DNAH6: variants seen among roughly 807,000 people sequenced by gnomAD.
The protein encoded by DNAH6 is dynein axonemal heavy chain 6.
Under a neutral mutation model 491.4 loss-of-function variants are expected in DNAH6, and 340 were observed. The observed-to-expected ratio is 0.69, with a 90% CI of 0.63 to 0.76. DNAH6 has a LOEUF of 0.76. Ranked by LOEUF, DNAH6 falls within the 30% of genes least tolerant of loss-of-function variation. The pLI, the probability that DNAH6 is intolerant of heterozygous loss-of-function variation, is 0.00. For synonymous variants in DNAH6, 1,603 were observed against 1,686.1 expected (o/e 0.95, Z 1.21); for missense variants, 4,443 against 4,972.2 (o/e 0.89, Z 3.20).
intron 10 of DNAH6, among the ~76,000 whole-genome samples, chr2:84,556,076 T>A (rs1333514624): frequency 6.6e-6 from 1 of 152,230 alleles, no homozygotes; most frequent in African/African-American, 2.4e-5. Flanking sequence ...TGTAGTAGCA[T>A]CTTTCACAAG....
At chr2:84,791,567 G>C (rs1484247169) in intron 68 of DNAH6, among the ~76,000 whole-genome samples, 2 of 151,554 alleles carry the variant, frequency 1.3e-5, no homozygotes, top group African/African-American at 2.4e-5. Flanking sequence ...GATTTCTTTT[G>C]GGGGGAAATG....
chr2:84,573,215 A>C (rs1055532781), intron 11 of DNAH6, among the ~76,000 whole-genome samples: 3 of 152,264 alleles, frequency 2.0e-5, no homozygotes, highest in Non-Finnish European at 4.4e-5. Flanking sequence ...GTTTCCTTTC[A>C]GTCACAGGAA....
the DNAH6 span, among the ~76,000 whole-genome samples, chr2:84,490,231 C>T: frequency 6.6e-6 from 1 of 152,050 alleles, no homozygotes; most frequent in African/African-American, 2.4e-5. Flanking sequence ...AAAGTCTTAA[C>T]GCTTGGTTTT....
At chr2:84,598,036 T>G (rs1483329258) in intron 18 of DNAH6, among the ~76,000 whole-genome samples, 2 of 152,144 alleles carry the variant, frequency 1.3e-5, no homozygotes, top group East Asian at 3.8e-4. Flanking sequence ...ATAGCATATG[T>G]CATTTATATG....
At chr2:84,743,141 G>A (rs188320619) in intron 62 of DNAH6, among the ~76,000 whole-genome samples, 92 of 151,384 alleles carry the variant, frequency 6.1e-4, no homozygotes, top group Non-Finnish European at 3.1e-4. Context: ...AGCAGAAAGG[G>A]CTAGATGGAG....
chr2:84,642,926 A>G (rs1689563655), intron 33 of DNAH6, among the ~76,000 whole-genome samples: 1 of 152,164 alleles, frequency 6.6e-6, no homozygotes, highest in Non-Finnish European at 1.5e-5. Context: ...GAATAAGAAA[A>G]ATAAAAATTT....
chr2:84,793,515 T>C (rs571276017), intron 68 of DNAH6, among the ~76,000 whole-genome samples: 1 of 152,310 alleles, frequency 6.6e-6, no homozygotes, highest in South Asian at 2.1e-4. Flanking sequence ...GACATCATCA[T>C]GCAATTGGAG....
At chr2:84,675,732 C>T (rs1300739984) in intron 40 of DNAH6, among the ~76,000 whole-genome samples, 1 of 152,176 alleles carries the variant, frequency 6.6e-6, no homozygotes, top group Non-Finnish European at 1.5e-5. Flanking sequence ...AATAGAGGCT[C>T]ACTACAGCCT....
At chr2:84,637,097 A>G in intron 30 of DNAH6, 113 bp from the exon 31 acceptor site, 1 of 821,206 alleles carries the variant, frequency 1.2e-6, no homozygotes, top group Non-Finnish European at 1.9e-6. Context: ...AATGGTATTC[A>G]GTAGTCTTTG....
At chr2:84,491,606 C>T in the DNAH6 span, among the ~76,000 whole-genome samples, 1 of 152,178 alleles carries the variant, frequency 6.6e-6, no homozygotes. Context: ...TTATTCCCTT[C>T]ATTCTATCTT....
chr2:84,575,270 C>T (rs574684215), intron 12 of DNAH6, among the ~76,000 whole-genome samples: 2 of 152,262 alleles, frequency 1.3e-5, no homozygotes, highest in South Asian at 2.1e-4. Flanking sequence ...AGCCAGACTG[C>T]TCCCTGTCCT....
chr2:84,616,947 G>A lies in DNAH6; in HGVS notation c.3537G>A (p.Glu1179=), dbSNP rs770415568. The A allele has an allele frequency of 1.3e-5, 20 of 1,499,300 alleles. No individual in the cohort carries two copies. The South Asian group carries it at 2.7e-4, about 20-fold the overall frequency. 92.9% of individuals were successfully genotyped at this position (1,499,300 alleles called of 1,614,324 possible). Residue 1179 remains glutamate (E), a synonymous_variant, in exon 23 of 77, where the codon GAG becomes GAA. Coordinates refer to ENST00000389394, the MANE Select transcript of DNAH6 (RefSeq NM_001370.2). ...TTGACCAAATTCAGAAGTGCCTAGA[G>A]GCATACTTAGAATCAAAAAGAGTTA... ...ALLDQIQKCL[E]AYLESKRVIF... is the part of the protein sequence containing the mutation.
intron 62 of DNAH6, among the ~76,000 whole-genome samples, chr2:84,740,015 T>C (rs902634900): frequency 2.8e-5 from 4 of 143,068 alleles, no homozygotes; most frequent in Non-Finnish European, 6.2e-5. Context: ...GATACTTCTC[T>C]TTTTTTTTTT....
chr2:84,799,482 G>A (rs778779404), intron 70 of DNAH6, among the ~76,000 whole-genome samples: 3 of 152,246 alleles, frequency 2.0e-5, no homozygotes, highest in Non-Finnish European at 2.9e-5. Flanking sequence ...AGCTGGGCAG[G>A]CCCCACAACC....
At chr2:84,800,309 TAAG>T (rs368078544) in intron 70 of DNAH6, among the ~76,000 whole-genome samples, 22 of 152,276 alleles carry the variant, frequency 1.4e-4, no homozygotes, top group African/African-American at 5.3e-4. Flanking sequence ...TTCCTTCAGA[TAAG>T]AAGAAATCAG....
At chr2:84,593,873 C>A in intron 16 of DNAH6, 99 bp from the exon 17 acceptor site, 5 of 498,982 alleles carry the variant, frequency 1.0e-5, no homozygotes, top group East Asian at 4.0e-5. Flanking sequence ...GCACATTCTT[C>A]CAAGCAATCA....
intron 4 of DNAH6, among the ~76,000 whole-genome samples, chr2:84,529,933 T>C (rs1319947902): frequency 6.6e-6 from 1 of 152,038 alleles, no homozygotes; most frequent in Non-Finnish European, 1.5e-5. Flanking sequence ...CTGCAGAAAA[T>C]GGGTAGAGAA....
rs555859448 is a variant in DNAH6 at position 84,784,776 on chromosome 2, C to A, written c.10919C>A (p.Thr3640Lys). The A allele has an allele frequency of 4.5e-6, 7 of 1,550,178 alleles. No homozygotes were observed. The highest frequency in any genetic ancestry group is 6.1e-6 in the Non-Finnish European group (7 of 1,145,872). The change falls in exon 66 of 77, where the codon ACA becomes AAA. Residue 3640 changes from threonine (T) to lysine (K), a missense_variant. Physicochemically the swap from Thr to Lys is moderately conservative, Grantham distance 78. Coordinates refer to ENST00000389394, the MANE Select transcript of DNAH6 (RefSeq NM_001370.2). Reference sequence around the variant, plus strand: ...TTTTTAAGCTCCATGCCTAGTAATACATTTCCTGTTACAGTTCTTCAAAAT... The same window carrying A: ...TTTTTAAGCTCCATGCCTAGTAATAAATTTCCTGTTACAGTTCTTCAAAAT... ...RLFLSSMPSN[T>K]FPVTVLQNSV...
At chr2:84,553,380 T>G (rs1278286027) in intron 10 of DNAH6, among the ~76,000 whole-genome samples, 1 of 112,552 alleles carries the variant, frequency 8.9e-6, no homozygotes, top group African/African-American at 3.7e-5. Context: ...TTTCTTTCTT[T>G]CTTTCTTTCT....
Sources: gnomAD v4.1 joint callset for allele counts (sites outside exome capture counted in the v4.1 genomes callset) on GRCh38, gnomAD v4.1.1 for gene constraint, MANE v1.5 for transcripts, NCBI Gene and HGNC (gene_info 2026-07-23, HGNC 2026-07-21) for gene names.